Variants in COL22A1 observed in about 807,000 individuals in gnomAD.
COL22A1 encodes the protein collagen alpha-1(XXII) chain.
In COL22A1, 221 loss-of-function variants were observed where a neutral mutation model predicts 248.9. The observed-to-expected ratio is 0.89, with a 90% CI of 0.80 to 0.99. The LOEUF is 0.99. Ranked by LOEUF, COL22A1 falls within the 50% of genes least tolerant of loss-of-function variation. The probability of loss-of-function intolerance (pLI) is 0.00; values close to 1 mark genes in which losing one functional copy is unlikely to be tolerated. For missense variants in COL22A1, 2,240 were observed against 2,179.0 expected (o/e 1.03, Z -0.56); for synonymous variants, 891 against 793.4 (o/e 1.12, Z -2.07).
At chr8:138,722,565 G>T (rs921599998) in intron 25 of COL22A1, among the ~76,000 whole-genome samples, 47 of 152,264 alleles carry the variant, frequency 3.1e-4, no homozygotes, top group African/African-American at 1.1e-3. Flanking sequence ...TGGCATTACT[G>T]CCTGTTATTT....
rs151141464 is a variant in COL22A1 at position 138,747,691 on chromosome 8, G to A, written c.2085+3767C>T. ...CCCCCGGCCTGCCAGAATATAAACA[G>A]CATGAGGGCAGGAGCTTCCTTCTTC... On this transcript the variant is annotated intron_variant, in intron 22 of 64. Coordinates refer to ENST00000303045, the MANE Select transcript of COL22A1 (RefSeq NM_152888.3). Among the ~76,000 whole-genome samples, 870 of 152,282 alleles carry A rather than the reference G, an allele frequency of 5.7e-3. 23 individuals carry two copies. Among genetic ancestry groups the A allele is most frequent in the East Asian group, 0.056 (292 of 5,180 alleles).
intron 18 of COL22A1, among the ~76,000 whole-genome samples, chr8:138,759,978 T>C (rs912149429): frequency 1.4e-4 from 21 of 151,666 alleles, no homozygotes; most frequent in Admixed American, 5.3e-4. Context: ...ATAACAGAAC[T>C]TTATATAAAT....
At chr8:138,815,694 C>G (rs1475921890) in intron 7 of COL22A1, among the ~76,000 whole-genome samples, 1 of 152,222 alleles carries the variant, frequency 6.6e-6, no homozygotes, top group Non-Finnish European at 1.5e-5. Flanking sequence ...AGGGCAAGGT[C>G]TCCTGTCTCC....
intron 43 of COL22A1, among the ~76,000 whole-genome samples, chr8:138,661,020 A>T (rs1823890787): frequency 1.6e-5 from 1 of 61,136 alleles, no homozygotes; most frequent in Non-Finnish European, 4.5e-5. Flanking sequence ...ACACACACGC[A>T]CATACACACA....
At chr8:138,887,344 C>T (rs1486352458) in intron 1 of COL22A1, among the ~76,000 whole-genome samples, 1 of 152,012 alleles carries the variant, frequency 6.6e-6, no homozygotes, top group African/African-American at 2.4e-5. Flanking sequence ...CTGCCTCAGC[C>T]TCCCAAGTAG....
At position 138,613,913 on chromosome 8, in the gene COL22A1, G is replaced by C. The variant is rs1819106945; in HGVS notation, c.3932C>G (p.Thr1311Ser). The change falls in exon 56 of 65, where the codon ACT (threonine) becomes AGT (serine). Residue 1311 changes from threonine (T) to serine (S), a missense_variant. Thr to Ser is a moderately conservative substitution (Grantham distance 58). Transcript: ENST00000303045. ...GGGACCCTGTGGCCCAGTGGGTCCA[G>C]TGTCACCCTGGAACAAAGACAGAGA... ...QEGLPGKDGDTGPTGPQGPQG... is the reference protein window; with the variant it reads ...QEGLPGKDGDSGPTGPQGPQG... The C allele has an allele frequency of 1.2e-6, 2 of 1,612,592 alleles. No individual in the cohort carries two copies. The highest frequency in any genetic ancestry group is 2.2e-5 in the South Asian group (2 of 91,060).
chr8:138,679,487 T>A, intron 40 of COL22A1, 130 bp downstream of exon 40: 1 of 773,612 alleles, frequency 1.3e-6, no homozygotes, highest in Non-Finnish European at 2.3e-6. Context: ...TCTTCTTCCA[T>A]CCATGTTCTA....
At chr8:138,611,757 G>C (rs993824744) in intron 56 of COL22A1, among the ~76,000 whole-genome samples, 1 of 152,184 alleles carries the variant, frequency 6.6e-6, no homozygotes, top group South Asian at 2.1e-4. Flanking sequence ...CCCCATCAGG[G>C]GAGACTGTGA....
intron 1 of COL22A1, among the ~76,000 whole-genome samples, chr8:138,911,158 A>G (rs1815425629): frequency 6.6e-6 from 1 of 152,150 alleles, no homozygotes; most frequent in Non-Finnish European, 1.5e-5. Context: ...TAATGAATCA[A>G]TCCCTCTTGT....
At chr8:138,660,242 G>A (rs1377401315) in intron 44 of COL22A1, among the ~76,000 whole-genome samples, 194 bp downstream of exon 44, 3 of 152,220 alleles carry the variant, frequency 2.0e-5, no homozygotes, top group African/African-American at 4.8e-5. Flanking sequence ...TTTGAAAACC[G>A]GCATAATGGT....
intron 3 of COL22A1, among the ~76,000 whole-genome samples, chr8:138,864,575 C>T (rs1385071599): frequency 6.6e-6 from 1 of 152,078 alleles, no homozygotes; most frequent in African/African-American, 2.4e-5. Context: ...AGTTATTTTC[C>T]AGGACACTTT....
At chr8:138,861,720 C>G (rs1303515062) in intron 3 of COL22A1, among the ~76,000 whole-genome samples, 1 of 152,146 alleles carries the variant, frequency 6.6e-6, no homozygotes, top group Non-Finnish European at 1.5e-5. Flanking sequence ...GTCTCCTGAC[C>G]GCAACCTGCT....
At chr8:138,874,790 C>T (rs1028634239) in intron 3 of COL22A1, among the ~76,000 whole-genome samples, 1 of 152,200 alleles carries the variant, frequency 6.6e-6, no homozygotes, top group Admixed American at 6.5e-5. Flanking sequence ...CATGCAAGAG[C>T]AGATACGGGG....
intron 59 of COL22A1, 29 bp from the exon 60 acceptor site, chr8:138,602,188 GC>G (rs1464393608): frequency 7.4e-6 from 12 of 1,613,176 alleles, no homozygotes; most frequent in Non-Finnish European, 1.0e-5. Flanking sequence ...GACAGTCATT[GC>G]CCCGGGCCCT....
At chr8:138,591,359 G>A (rs1817025400) in intron 64 of COL22A1, 65 bp downstream of exon 64, 1 of 1,268,112 alleles carries the variant, frequency 7.9e-7, no homozygotes, top group Admixed American at 2.5e-5. Flanking sequence ...TGGGGCCACG[G>A]GCAGGGGTGC....
At chr8:138,600,429 A>C (rs1817906228) in intron 60 of COL22A1, among the ~76,000 whole-genome samples, 2 of 147,010 alleles carry the variant, frequency 1.4e-5, no homozygotes, top group Admixed American at 1.3e-4. Context: ...CACTTAAATG[A>C]AAAATGCAAG....
intron 22 of COL22A1, among the ~76,000 whole-genome samples, chr8:138,740,532 C>G (rs1831470044): frequency 6.6e-6 from 1 of 152,124 alleles, no homozygotes; most frequent in Admixed American, 6.5e-5. Context: ...AAGGTGAACA[C>G]CTAAGTTGAC....
intron 56 of COL22A1, among the ~76,000 whole-genome samples, chr8:138,609,786 G>A (rs768518950): frequency 1.3e-5 from 2 of 152,286 alleles, no homozygotes; most frequent in East Asian, 1.9e-4. Context: ...CACAGGCCAT[G>A]TGCACAGAAG....
chr8:138,746,657 A>G (rs111943610), intron 22 of COL22A1, among the ~76,000 whole-genome samples: 3,422 of 152,322 alleles, frequency 0.022, 130 homozygotes, highest in African/African-American at 0.079. Flanking sequence ...GCGGGGAGCC[A>G]TCCTCTGTGT....
Sources: gnomAD v4.1 joint callset for allele counts (sites outside exome capture counted in the v4.1 genomes callset) on GRCh38, gnomAD v4.1.1 for gene constraint, MANE v1.5 for transcripts, NCBI Gene and HGNC (gene_info 2026-07-23, HGNC 2026-07-21) for gene names.